Variants in SLC25A26 observed in about 807,000 individuals in gnomAD.
SLC25A26 encodes the protein solute carrier family 25 member 26, also known as mitochondrial S-adenosylmethionine carrier protein.
SLC25A26 carries 36 observed loss-of-function variants against 37.8 expected under a neutral mutation model. The observed-to-expected ratio is 0.95, with a 90% CI of 0.73 to 1.26. The LOEUF (loss-of-function observed/expected upper bound fraction) is 1.26, where lower values mean the gene tolerates loss of function less well. SLC25A26 is among the 50% of genes most tolerant of loss of function. The pLI is 0.00. For missense variants in SLC25A26, 390 were observed against 331.1 expected (o/e 1.18, Z -1.38); for synonymous variants, 129 against 122.5 (o/e 1.05, Z -0.35).
Position 66,295,343 on chromosome 3 carries a change from C to G in SLC25A26, c.453+31964C>G, listed in dbSNP as rs575988564. On this transcript the variant is annotated intron_variant, in intron 5 of 9. Coordinates refer to ENST00000354883, the MANE Select transcript of SLC25A26 (RefSeq NM_001379210.1). Reference sequence around the variant, plus strand: ...GGTTCAAGCAATTCTCCTGCCTCAGCCTCCTGAGTAGCTGGGATTACAGGC... The same window carrying G: ...GGTTCAAGCAATTCTCCTGCCTCAGGCTCCTGAGTAGCTGGGATTACAGGC... Among the ~76,000 whole-genome samples, 22 of 152,142 alleles carry G rather than the reference C, an allele frequency of 1.4e-4. No homozygotes were observed. The East Asian group carries it at 3.9e-3, about 27-fold the overall frequency.
chr3:66,215,762 A>T (rs2071351342), intron 1 of SLC25A26, among the ~76,000 whole-genome samples: 1 of 152,142 alleles, frequency 6.6e-6, no homozygotes, highest in African/African-American at 2.4e-5. Context: ...TATATTTACT[A>T]CCCTTTGCAG....
At chr3:66,281,430 C>T (rs749818457) in intron 5 of SLC25A26, among the ~76,000 whole-genome samples, 2 of 152,194 alleles carry the variant, frequency 1.3e-5, no homozygotes, top group African/African-American at 2.4e-5. Flanking sequence ...GCATTTGTTA[C>T]ATTGGTGATT....
chr3:66,223,060 G>A (rs782743161), intron 1 of SLC25A26, among the ~76,000 whole-genome samples: 1 of 152,180 alleles, frequency 6.6e-6, no homozygotes, highest in Non-Finnish European at 1.5e-5. Context: ...GGTAGGCTTT[G>A]TAGATACAGT....
At chr3:66,296,778 T>C (rs2074915707) in intron 5 of SLC25A26, among the ~76,000 whole-genome samples, 1 of 152,206 alleles carries the variant, frequency 6.6e-6, no homozygotes, top group Admixed American at 6.5e-5. Context: ...TTAACCATAA[T>C]TTTAGTACTG....
chr3:66,299,248 G>A (rs1414140409), intron 5 of SLC25A26, among the ~76,000 whole-genome samples: 1 of 152,120 alleles, frequency 6.6e-6, no homozygotes, highest in African/African-American at 2.4e-5. Context: ...CTGGAGTGCA[G>A]TGGCACAGTC....
At chr3:66,135,051 G>A (rs1226640495) in intron 1 of SLC25A26, among the ~76,000 whole-genome samples, 1 of 151,990 alleles carries the variant, frequency 6.6e-6, no homozygotes, top group Non-Finnish European at 1.5e-5. Context: ...GGCTGGTCTC[G>A]AACTCCTGAC....
At chr3:66,145,578 A>G (rs1239443081) in intron 1 of SLC25A26, among the ~76,000 whole-genome samples, 3 of 152,202 alleles carry the variant, frequency 2.0e-5, no homozygotes, top group African/African-American at 7.2e-5. Context: ...TGTACAATAT[A>G]TAACTTTTGT....
Position 66,257,705 on chromosome 3 carries a change from C to T in SLC25A26, c.301-4346C>T, listed in dbSNP as rs547865149. Among the ~76,000 whole-genome samples the T allele has an allele frequency of 1.1e-4, 16 of 152,310 alleles. No individual in the cohort carries two copies. In the South Asian group the frequency reaches 2.3e-3, roughly 22 times the overall value. On this transcript the variant is annotated intron_variant, in intron 3 of 9. Coordinates refer to ENST00000354883, the MANE Select transcript of SLC25A26 (RefSeq NM_001379210.1). ...CCCCCATCGTATGTGCAAATATTGA[C>T]TGTGTTAAAACCACACTATTCCTTG...
At chr3:66,177,878 T>C (rs567120782) in intron 1 of SLC25A26, among the ~76,000 whole-genome samples, 2 of 152,340 alleles carry the variant, frequency 1.3e-5, no homozygotes, top group Non-Finnish European at 2.9e-5. Context: ...AGGTGTTGAC[T>C]TTTTCATGCT....
At position 66,209,901 on chromosome 3, in the gene SLC25A26, TATATATATATATATATATA is replaced by T. The variant is rs2071258521; in HGVS notation, c.-353-10840_-353-10822del. On this transcript the variant is annotated intron_variant, in intron 1 of 10. Coordinates refer to the SLC25A26 transcript ENST00000676754. Reference sequence around the variant, plus strand: ...ACTCCTCTCTCTCTCTCTCTATTTATATATATATATATATATATATATATATATATATATATATATATAT... The same window carrying T: ...ACTCCTCTCTCTCTCTCTCTATTTATTATATATATATATATATATATATAT... 1.4e-3 allele frequency among the ~76,000 whole-genome samples: 20 copies of T among 14,484 alleles called. 1 individual carries two copies. Among genetic ancestry groups the T allele is most frequent in the Non-Finnish European group, 2.4e-3 (18 of 7,388 alleles). The allele number at this position is 14,484 out of a possible 152,430, so 9.5% of individuals were successfully genotyped here.
chr3:66,356,201 A>C, intron 6 of SLC25A26: 1 of 398,658 alleles, frequency 2.5e-6, no homozygotes, highest in Non-Finnish European at 4.9e-6. Flanking sequence ...TCTTCAGGCT[A>C]TACTTTAAAT....
rs1553658103 is a variant in SLC25A26 at position 66,221,069 on chromosome 3, G to A, written c.-26G>A. 3.3e-6 allele frequency: 5 copies of A among 1,535,608 alleles called. No homozygotes were observed. The South Asian group carries it at 4.8e-5, about 15-fold the overall frequency. On this transcript the variant is annotated 5_prime_UTR_variant, in exon 1 of 10. Transcript: ENST00000354883. Reference sequence around the variant, plus strand: ...ATCCGCTTCTGCTCCGGCTTGGATTGTAGCCTTGACGAGGTCTGAGCGACC... The same window carrying A: ...ATCCGCTTCTGCTCCGGCTTGGATTATAGCCTTGACGAGGTCTGAGCGACC...
chr3:66,218,314 T>C (rs1024324229), upstream of SLC25A26, among the ~76,000 whole-genome samples: 1 of 152,256 alleles, frequency 6.6e-6, no homozygotes, highest in Non-Finnish European at 1.5e-5. Context: ...TAAAAGTATT[T>C]GTATAAATGT....
At chr3:66,278,333 A>G (rs1363042915) in intron 5 of SLC25A26, among the ~76,000 whole-genome samples, 9 of 152,140 alleles carry the variant, frequency 5.9e-5, no homozygotes, top group South Asian at 2.1e-4. Context: ...AAAATAATAT[A>G]TGCAATTAGT....
At chr3:66,353,987 G>A (rs2076518725) in intron 6 of SLC25A26, among the ~76,000 whole-genome samples, 1 of 152,170 alleles carries the variant, frequency 6.6e-6, no homozygotes, top group African/African-American at 2.4e-5. Context: ...TGAATGCAAA[G>A]TTGGATAACT....
intron 9 of SLC25A26, among the ~76,000 whole-genome samples, chr3:66,374,221 C>T (rs62243216): frequency 0.2 from 30,958 of 152,200 alleles, 3,328 homozygotes; most frequent in Admixed American, 0.27. Context: ...TTGTGGCAAC[C>T]CTGCGTTGAG....
rs1047930686 is a variant in SLC25A26 at position 66,245,127 on chromosome 3, C to T, written c.300+1815C>T. On this transcript the variant is annotated intron_variant, in intron 3 of 9. Transcript: ENST00000354883. ...CTCTTTATGTTTTCCAGACTGGTCT[C>T]GAACTCCTGGTCTCATGTAGTCCTC... Among the ~76,000 whole-genome samples the T allele has an allele frequency of 2.0e-5, 3 of 151,886 alleles. No individual in the cohort carries two copies. In the East Asian group the frequency reaches 5.8e-4, roughly 29 times the overall value.
At chr3:66,135,481 C>A (rs2069933020) in intron 1 of SLC25A26, among the ~76,000 whole-genome samples, 1 of 152,068 alleles carries the variant, frequency 6.6e-6, no homozygotes, top group Admixed American at 6.6e-5. Context: ...TAATTGTGAA[C>A]AATTGGCTGG....
chr3:66,265,189 C>G (rs1381469953), intron 5 of SLC25A26, among the ~76,000 whole-genome samples: 3 of 152,024 alleles, frequency 2.0e-5, no homozygotes, highest in Admixed American at 6.6e-5. Flanking sequence ...TGCCTGTAAT[C>G]CCAGCTACTT....
Sources: allele counts gnomAD v4.1 joint callset (sites outside exome capture counted in the v4.1 genomes callset), GRCh38; gene constraint gnomAD v4.1.1; transcripts MANE v1.5; gene names NCBI Gene and HGNC (gene_info 2026-07-23, HGNC 2026-07-21).